TANC2: variants seen among roughly 807,000 people sequenced by gnomAD.
The protein encoded by TANC2 is tetratricopeptide repeat, ankyrin repeat and coiled-coil containing 2.
A neutral mutation model predicts 210.5 loss-of-function variants in TANC2; 26 were observed. The observed-to-expected ratio is 0.12, with a 90% CI of 0.09 to 0.17. The LOEUF (loss-of-function observed/expected upper bound fraction) is 0.17. Among genes scored for constraint, TANC2 ranks in the 10% least tolerant of loss-of-function variants. The pLI, the probability that TANC2 is intolerant of heterozygous loss-of-function variation, is 1.00. For synonymous variants in TANC2, 931 were observed against 967.1 expected (o/e 0.96, Z 0.69); for missense variants, 2,129 against 2,608.9 (o/e 0.82, Z 4.01).
At chr17:63,403,815 T>C (rs1306875712) in intron 19 of TANC2, among the ~76,000 whole-genome samples, 2 of 152,200 alleles carry the variant, frequency 1.3e-5, no homozygotes, top group Non-Finnish European at 2.9e-5. Flanking sequence ...GGAAGGAAAA[T>C]GTTACTTGAA....
intron 7 of TANC2, among the ~76,000 whole-genome samples, chr17:63,219,169 G>A (rs1026900894): frequency 6.6e-6 from 1 of 152,138 alleles, no homozygotes; most frequent in Non-Finnish European, 1.5e-5. Flanking sequence ...CTGTTAAGAT[G>A]TCAATTCTTT....
In TANC2 at chr17:63,338,981, G is replaced by A. The variant is rs1390273143; in HGVS notation, c.1576-1120G>A. ...AGATGCCTGATGAGTTAGAGGTGGTGTTCTCGAAGAGAGGCCTGAAGAGCT... is the reference window on the plus strand; with the variant it reads ...AGATGCCTGATGAGTTAGAGGTGGTATTCTCGAAGAGAGGCCTGAAGAGCT... On this transcript the variant is annotated intron_variant, in intron 11 of 27. Coordinates refer to ENST00000689528, the Ensembl canonical transcript of TANC2. 3 of 152,294 alleles carry A rather than the reference G, an allele frequency of 2.0e-5. No individual in the cohort carries two copies. In the East Asian group the frequency reaches 5.8e-4, roughly 29 times the overall value. The allele number at this position is 152,294 out of a possible 1,614,324, so 9.4% of individuals were successfully genotyped here. A position where few individuals can be genotyped will look rare whatever the true frequency, so the allele number is the denominator to read the frequency against.
At chr17:63,200,651 C>A in intron 6 of TANC2, 120 bp from the exon 7 acceptor site, 1 of 851,652 alleles carries the variant, frequency 1.2e-6, no homozygotes, top group Non-Finnish European at 1.8e-6. Flanking sequence ...CAAATAGAGC[C>A]TAATAGATGT....
rs1158768609 is a variant in TANC2 at position 63,205,344 on chromosome 17, C to CAAAA, written c.769+4412_769+4415dup. Reference sequence around the variant, plus strand: ...ACTGCTCAAAATTTAACCAAGGAGGCAAAAAAAAAAAAAAAAAAAAAAAAA... The same window carrying CAAAA: ...ACTGCTCAAAATTTAACCAAGGAGGCAAAAAAAAAAAAAAAAAAAAAAAAAAAAA... On this transcript the variant is annotated intron_variant, in intron 7 of 27. Coordinates refer to ENST00000689528, the Ensembl canonical transcript of TANC2. 5.6e-3 allele frequency among the ~76,000 whole-genome samples: 45 copies of CAAAA among 8,070 alleles called. 15 individuals carry two copies. The highest frequency in any genetic ancestry group is 0.018 in the African/African-American group (34 of 1,876). The allele number at this position is 8,070 out of a possible 152,430, so 5.3% of individuals were successfully genotyped here.
At chr17:63,351,517 T>C (rs1047601345) in intron 13 of TANC2, 101 bp downstream of exon 13, 25 of 857,348 alleles carry the variant, frequency 2.9e-5, no homozygotes, top group Non-Finnish European at 3.9e-5. Context: ...TACTATGTCC[T>C]AGAGCATTAT....
At chr17:62,989,767 CTTTTTTTTTTTT>C (rs369502208) in intron 1 of TANC2, among the ~76,000 whole-genome samples, 2 of 109,786 alleles carry the variant, frequency 1.8e-5, no homozygotes, top group African/African-American at 8.0e-5. Context: ...AAAACACATG[CTTTTTTTTTTTT>C]TTTTTTTTTT....
At chr17:63,215,081 T>C (rs1417865486) in intron 7 of TANC2, among the ~76,000 whole-genome samples, 17 of 152,088 alleles carry the variant, frequency 1.1e-4, no homozygotes. Flanking sequence ...AATGTCAAAA[T>C]AGATTTAAGA....
chr17:63,022,506 A>G (rs978981473), intron 2 of TANC2, among the ~76,000 whole-genome samples: 1 of 152,170 alleles, frequency 6.6e-6, no homozygotes, highest in Admixed American at 6.5e-5. Flanking sequence ...CAGAGCATAA[A>G]CATTTCAAAA....
chr17:63,308,577 A>G (rs2045005819), intron 9 of TANC2, among the ~76,000 whole-genome samples: 2 of 152,274 alleles, frequency 1.3e-5, no homozygotes, highest in South Asian at 4.1e-4. Context: ...ATATTTTTTG[A>G]TTTTTAAAAT....
chr17:63,006,075 A>G (rs1472494880), intron 1 of TANC2, among the ~76,000 whole-genome samples: 3 of 152,086 alleles, frequency 2.0e-5, no homozygotes, highest in Admixed American at 6.6e-5. Flanking sequence ...TAAATTTGGT[A>G]TAAAGTTGTT....
Position 63,098,263 on chromosome 17 carries a change from A to G in TANC2, c.140-912A>G, listed in dbSNP as rs1388724865. Among the ~76,000 whole-genome samples, 8 of 152,072 alleles carry G rather than the reference A, an allele frequency of 5.3e-5. No individual in the cohort carries two copies. The South Asian group carries it at 1.7e-3, about 31-fold the overall frequency. On this transcript the variant is annotated intron_variant, in intron 3 of 27. Transcript: ENST00000689528. ...TTTTAGTAGGCACTGTCAATGCAAA[A>G]CTGTCTTAATTTAATTTTATGGGAA...
intron 9 of TANC2, among the ~76,000 whole-genome samples, chr17:63,270,156 TAAC>T (rs1214012567): frequency 6.6e-6 from 1 of 152,180 alleles, no homozygotes; most frequent in Non-Finnish European, 1.5e-5. Context: ...AAACTAGTAA[TAAC>T]TTTAATTCAG....
intron 1 of TANC2, among the ~76,000 whole-genome samples, chr17:63,008,496 G>C (rs949593589): frequency 1.3e-5 from 2 of 152,132 alleles, no homozygotes; most frequent in African/African-American, 4.8e-5. Context: ...TTTTGCTGTT[G>C]AGAAGAGTGA....
intron 1 of TANC2, among the ~76,000 whole-genome samples, chr17:62,989,459 A>G (rs772135591): frequency 6.6e-6 from 1 of 152,164 alleles, no homozygotes; most frequent in Non-Finnish European, 1.5e-5. Flanking sequence ...TCTTGATGTT[A>G]TTTATAAGAA....
At chr17:63,064,274 A>G (rs1016602700) in intron 2 of TANC2, among the ~76,000 whole-genome samples, 5 of 152,090 alleles carry the variant, frequency 3.3e-5, no homozygotes, top group African/African-American at 1.2e-4. Context: ...TGAGCAACAT[A>G]GTGAAACCCT....
chr17:63,144,356 A>T (rs1267765558), intron 4 of TANC2, among the ~76,000 whole-genome samples: 2 of 152,148 alleles, frequency 1.3e-5, no homozygotes, highest in African/African-American at 2.4e-5. Context: ...TGATATTTGT[A>T]TTGGTAAACA....
At chr17:63,193,589 C>A (rs2041252669) in intron 5 of TANC2, among the ~76,000 whole-genome samples, 1 of 152,084 alleles carries the variant, frequency 6.6e-6, no homozygotes, top group African/African-American at 2.4e-5. Flanking sequence ...ATATATCTGA[C>A]CCCATAAAAA....
At chr17:63,114,656 T>C (rs1368494150) in intron 4 of TANC2, among the ~76,000 whole-genome samples, 2 of 152,162 alleles carry the variant, frequency 1.3e-5, no homozygotes, top group Non-Finnish European at 2.9e-5. Flanking sequence ...TCATAAATAT[T>C]ACCCTACCTT....
chr17:63,220,128 C>G (rs2042129254), intron 7 of TANC2, among the ~76,000 whole-genome samples: 1 of 151,848 alleles, frequency 6.6e-6, no homozygotes, highest in South Asian at 2.1e-4. Flanking sequence ...AACCTCTCCT[C>G]TACTAAAAAT....
Sources: allele counts gnomAD v4.1 joint callset (sites outside exome capture counted in the v4.1 genomes callset), GRCh38; gene constraint gnomAD v4.1.1; transcripts MANE v1.5; gene names NCBI Gene and HGNC (gene_info 2026-07-23, HGNC 2026-07-21).